Variants in PPFIA1 observed in about 807,000 individuals in gnomAD.
PPFIA1 encodes liprin-alpha-1.
A neutral mutation model predicts 149.9 loss-of-function variants in PPFIA1; 25 were observed. That is an observed-to-expected ratio of 0.17 (90% CI 0.12 to 0.23). The LOEUF (loss-of-function observed/expected upper bound fraction) is 0.23. Among genes scored for constraint, PPFIA1 ranks in the 10% least tolerant of loss-of-function variants. The probability of loss-of-function intolerance (pLI) is 1.00; values close to 1 mark genes in which losing one functional copy is unlikely to be tolerated. For missense variants in PPFIA1, 1,362 were observed against 1,506.5 expected (o/e 0.90, Z 1.59); for synonymous variants, 549 against 552.8 (o/e 0.99, Z 0.10).
chr11:70,330,446 T>C (rs995061757), intron 8 of PPFIA1, 127 bp downstream of exon 8: 27 of 772,080 alleles, frequency 3.5e-5, no homozygotes, highest in Non-Finnish European at 4.6e-5. Context: ...TAGAATATTA[T>C]GTTCAAGACA....
chr11:70,272,098 T>C (rs1488970888), intron 1 of PPFIA1, 75 bp from the exon 2 acceptor site: 1 of 1,470,820 alleles, frequency 6.8e-7, no homozygotes, highest in Non-Finnish European at 9.3e-7. Context: ...TAGCTACAGA[T>C]ACCTGTAAAG....
chr11:70,306,571 A>AT (rs1426155782), intron 2 of PPFIA1, among the ~76,000 whole-genome samples: 1 of 152,242 alleles, frequency 6.6e-6, no homozygotes, highest in African/African-American at 2.4e-5. Flanking sequence ...TTGTTGTATA[A>AT]ATGCTTGGGC....
rs2056899514 is a variant in PPFIA1 at position 70,365,854 on chromosome 11, T to C, written c.2865+3366T>C. 7.0e-6 allele frequency: 3 copies of C among 430,246 alleles called. No individual in the cohort carries two copies. The Admixed American group carries it at 8.4e-5, about 12-fold the overall frequency. 26.7% of individuals were successfully genotyped at this position (430,246 alleles called of 1,614,324 possible). ...CTTTTTCACTCAGTGAAGCTGCATC[T>C]TCCCTGCAGAGTTGCGTTGCCTGCA... On this transcript the variant is annotated intron_variant, in intron 21 of 27. Coordinates refer to ENST00000253925, the MANE Select transcript of PPFIA1 (RefSeq NM_003626.5).
chr11:70,374,797 C>A (rs2057414868), intron 23 of PPFIA1, 121 bp from the exon 24 acceptor site: 2 of 896,130 alleles, frequency 2.2e-6, no homozygotes, highest in Admixed American at 2.9e-5. Context: ...TCTCCCAGCA[C>A]TTTTCTCAGG....
chr11:70,349,880 A>G (rs1169978298), intron 16 of PPFIA1: 1 of 455,216 alleles, frequency 2.2e-6, no homozygotes, highest in East Asian at 7.0e-5. Flanking sequence ...TGCTTCCGTC[A>G]TTGGTTTTGA....
intron 2 of PPFIA1, among the ~76,000 whole-genome samples, chr11:70,322,242 A>G (rs1433343116): frequency 1.3e-5 from 2 of 152,194 alleles, no homozygotes; most frequent in Non-Finnish European, 1.5e-5. Flanking sequence ...AAGAGAAATA[A>G]TCTTTCCTCA....
At chr11:70,305,901 A>C (rs1338623838) in intron 2 of PPFIA1, among the ~76,000 whole-genome samples, 1 of 152,208 alleles carries the variant, frequency 6.6e-6, no homozygotes, top group Non-Finnish European at 1.5e-5. Context: ...GGTTATTTAT[A>C]CTGTTAGGTA....
chr11:70,375,157 A>T, intron 24 of PPFIA1, 64 bp downstream of exon 24: 19 of 519,022 alleles, frequency 3.7e-5, no homozygotes, highest in Non-Finnish European at 5.1e-5. Context: ...ATAGACAGCT[A>T]GTTATTCGAA....
intron 2 of PPFIA1, among the ~76,000 whole-genome samples, chr11:70,291,297 C>T (rs1206268164): frequency 6.6e-6 from 1 of 152,160 alleles, no homozygotes; most frequent in African/African-American, 2.4e-5. Flanking sequence ...ATCCTACATA[C>T]CCTTAAAGAG....
chr11:70,374,839 T>C, intron 23 of PPFIA1, 79 bp from the exon 24 acceptor site: 1 of 1,323,082 alleles, frequency 7.6e-7, no homozygotes, highest in Non-Finnish European at 1.1e-6. Context: ...GGTAGGAATC[T>C]TTCTCCTGCA....
At chr11:70,303,068 G>C (rs1027948413) in intron 2 of PPFIA1, among the ~76,000 whole-genome samples, 1 of 152,182 alleles carries the variant, frequency 6.6e-6, no homozygotes, top group African/African-American at 2.4e-5. Flanking sequence ...AGTTTTCCTT[G>C]GTCTTGCGTA....
chr11:70,301,932 G>A (rs1425491954), intron 2 of PPFIA1, among the ~76,000 whole-genome samples: 1 of 152,246 alleles, frequency 6.6e-6, no homozygotes, highest in Non-Finnish European at 1.5e-5. Context: ...TCCATATGCA[G>A]TGACCGTGTG....
intron 2 of PPFIA1, chr11:70,283,898 G>A: frequency 2.1e-6 from 1 of 473,514 alleles, no homozygotes; most frequent in South Asian, 1.5e-5. Flanking sequence ...CCTCAACAAA[G>A]AATTATCTGG....
intron 2 of PPFIA1, among the ~76,000 whole-genome samples, chr11:70,303,687 C>T (rs542324865): frequency 6.6e-6 from 1 of 152,144 alleles, no homozygotes; most frequent in African/African-American, 2.4e-5. Context: ...GACTGGCTAC[C>T]CCCTAGGTAG....
chr11:70,319,021 CTG>C (rs2053787792), intron 2 of PPFIA1, among the ~76,000 whole-genome samples: 1 of 152,254 alleles, frequency 6.6e-6, no homozygotes, highest in Non-Finnish European at 1.5e-5. Context: ...AAACTCCAGA[CTG>C]TGAATTGCGC....
In PPFIA1 at chr11:70,332,109, T is replaced by C; in HGVS notation, c.1212+15T>C. 6.4e-7 allele frequency: 1 copy of C among 1,570,932 alleles called. No homozygotes were observed. Among genetic ancestry groups the C allele is most frequent in the Non-Finnish European group, 8.6e-7 (1 of 1,162,022 alleles). ...CGCTTTCCAAGGTAGTGCCATGAGCTTCATTCTGGTTCGGCTGCCAGGCCT... is the reference window on the plus strand; with the variant it reads ...CGCTTTCCAAGGTAGTGCCATGAGCCTCATTCTGGTTCGGCTGCCAGGCCT... On this transcript the variant is annotated intron_variant, in intron 9 of 27. Coordinates refer to ENST00000253925, the MANE Select transcript of PPFIA1 (RefSeq NM_003626.5).
At chr11:70,379,610 C>G (rs2057624634) in intron 26 of PPFIA1, among the ~76,000 whole-genome samples, 1 of 139,390 alleles carries the variant, frequency 7.2e-6, no homozygotes, top group Admixed American at 7.0e-5. Context: ...GACCCCATCT[C>G]TAAAAAAAAA....
At position 70,324,429 on chromosome 11, in the gene PPFIA1, A is replaced by C; in HGVS notation, c.292A>C (p.Asn98His). The change falls in exon 3 of 28, where the codon AAT becomes CAT. Residue 98 changes from asparagine (N) to histidine (H), a missense_variant. Physicochemically the swap from Asn to His is moderately conservative, Grantham distance 68 (BLOSUM62 1). This residue lies in a region of PPFIA1 where 79 missense variants were observed against 146.2 expected (regional missense o/e 0.54). Coordinates refer to ENST00000253925, the MANE Select transcript of PPFIA1 (RefSeq NM_003626.5). ...QEFAALTKEL[N>H]VCREQLLERE... Reference sequence around the variant, plus strand: ...GTTCGCAGCACTTACTAAAGAACTCAATGTATGCAGGGAACAGCTCCTTGA... The same window carrying C: ...GTTCGCAGCACTTACTAAAGAACTCCATGTATGCAGGGAACAGCTCCTTGA... The C allele has an allele frequency of 6.2e-7, 1 of 1,612,906 alleles. No homozygotes were observed. Among genetic ancestry groups the C allele is most frequent in the Non-Finnish European group, 8.5e-7 (1 of 1,179,338 alleles).
chr11:70,327,777 A>G (rs916761858), intron 7 of PPFIA1: 25 of 152,354 alleles, frequency 1.6e-4, no homozygotes, highest in African/African-American at 6.0e-4. Flanking sequence ...CGTCTCAAAA[A>G]AAAAAAAGAG....
Sources: gnomAD v4.1 joint callset for allele counts (sites outside exome capture counted in the v4.1 genomes callset) on GRCh38, gnomAD v4.1.1 for gene constraint, gnomAD v4.1.1 regional missense constraint, MANE v1.5 for transcripts, NCBI Gene and HGNC (gene_info 2026-07-23, HGNC 2026-07-21) for gene names.